Variants in TMEM135 observed in about 807,000 individuals in gnomAD.
The protein encoded by TMEM135 is transmembrane protein 135.
A neutral mutation model predicts 60.3 loss-of-function variants in TMEM135; 30 were observed. The ratio of observed to expected loss-of-function variants is 0.50; its 90% CI spans 0.37 to 0.68. The LOEUF is 0.68. Among genes scored for constraint, TMEM135 ranks in the 30% least tolerant of loss-of-function variants. TMEM135 has a pLI of 0.00. For synonymous variants in TMEM135, 190 were observed against 186.7 expected (o/e 1.02, Z -0.14); for missense variants, 468 against 548.8 (o/e 0.85, Z 1.47).
chr11:87,163,158 G>C (rs1938936262), intron 5 of TMEM135, among the ~76,000 whole-genome samples: 1 of 147,750 alleles, frequency 6.8e-6, no homozygotes, highest in African/African-American at 2.5e-5. Context: ...TCTAGCATTA[G>C]GTATATCTCC....
intron 6 of TMEM135, among the ~76,000 whole-genome samples, chr11:87,260,935 C>T (rs1332158583): frequency 6.6e-6 from 1 of 152,090 alleles, no homozygotes; most frequent in African/African-American, 2.4e-5. Context: ...AACACTCTCC[C>T]AGGCGATGCT....
At chr11:87,275,034 A>G (rs903524451) in intron 6 of TMEM135, among the ~76,000 whole-genome samples, 3 of 151,920 alleles carry the variant, frequency 2.0e-5, no homozygotes, top group African/African-American at 7.3e-5. Context: ...ATTTTGTTGT[A>G]ATATTAAATG....
At chr11:87,183,753 C>G (rs899040444) in intron 5 of TMEM135, among the ~76,000 whole-genome samples, 2 of 151,520 alleles carry the variant, frequency 1.3e-5, no homozygotes, top group African/African-American at 4.9e-5. Context: ...GTCAGGAGTT[C>G]GAGACCAGCC....
In TMEM135 at chr11:87,326,939, C is replaced by T. The variant is rs1052795736; in HGVS notation, c.*5606C>T. ...TTTTTTTTTTTTTTTTTCACTAAAACGCTTCCTATAACTTGGATTAAAATT... is the reference window on the plus strand; with the variant it reads ...TTTTTTTTTTTTTTTTTCACTAAAATGCTTCCTATAACTTGGATTAAAATT... On this transcript the variant is annotated 3_prime_UTR_variant, in exon 15 of 15. Transcript: ENST00000305494. The T allele has an allele frequency of 3.8e-5, 16 of 417,360 alleles. No individual in the cohort carries two copies. The Admixed American group carries it at 3.8e-4, about 10-fold the overall frequency. The allele number at this position is 417,360 out of a possible 1,614,324, so 25.9% of individuals were successfully genotyped here.
In TMEM135 at chr11:87,136,403, C is replaced by G. The variant is rs544070684; in HGVS notation, c.397-20938C>G. On this transcript the variant is annotated intron_variant, in intron 4 of 14. Transcript: ENST00000305494. ...TATATATTGTTGGATTCAGTGTGCT[C>G]AGATTTTCTTAAGAACATTTATAAC... 1.2e-4 allele frequency among the ~76,000 whole-genome samples: 19 copies of G among 152,094 alleles called. No homozygotes were observed. In the South Asian group the frequency reaches 3.9e-3, roughly 32 times the overall value.
chr11:87,314,621 A>G, intron 12 of TMEM135, 74 bp downstream of exon 12: 1 of 1,182,444 alleles, frequency 8.5e-7, no homozygotes, highest in Non-Finnish European at 1.3e-6. Context: ...TTAGCAGCAA[A>G]TGTATATCCC....
chr11:87,082,315 G>A (rs189901092), intron 3 of TMEM135, among the ~76,000 whole-genome samples: 5 of 152,178 alleles, frequency 3.3e-5, no homozygotes, highest in African/African-American at 1.2e-4. Flanking sequence ...AAGTATTCTT[G>A]ACTTACCACG....
At chr11:87,128,994 A>T (rs1032444283) in intron 4 of TMEM135, among the ~76,000 whole-genome samples, 3 of 141,208 alleles carry the variant, frequency 2.1e-5, no homozygotes, top group Non-Finnish European at 4.6e-5. Context: ...GAAATTAAGC[A>T]GGTTTAAGGT....
At chr11:87,119,119 G>C (rs894181641) in intron 4 of TMEM135, among the ~76,000 whole-genome samples, 4 of 152,108 alleles carry the variant, frequency 2.6e-5, no homozygotes, top group Non-Finnish European at 5.9e-5. Context: ...GGCCTATCTT[G>C]GCTTTCAACA....
intron 6 of TMEM135, 63 bp downstream of exon 6, chr11:87,236,747 A>G: frequency 1.4e-6 from 2 of 1,469,486 alleles, no homozygotes; most frequent in Non-Finnish European, 1.9e-6. Flanking sequence ...AATTTCATCA[A>G]CCACGAAACT....
intron 4 of TMEM135, among the ~76,000 whole-genome samples, chr11:87,109,993 C>T (rs1412800385): frequency 6.6e-6 from 1 of 152,136 alleles, no homozygotes; most frequent in Non-Finnish European, 1.5e-5. Context: ...AGAATGACTT[C>T]CTCTGGGTTC....
chr11:87,256,898 C>T (rs940259405), intron 6 of TMEM135, among the ~76,000 whole-genome samples: 2 of 151,866 alleles, frequency 1.3e-5, no homozygotes, highest in Admixed American at 1.3e-4. Context: ...CACTTCTTTC[C>T]TCTCTCCTTC....
chr11:87,197,598 T>C (rs1939990516), intron 5 of TMEM135, among the ~76,000 whole-genome samples: 1 of 114,220 alleles, frequency 8.8e-6, no homozygotes, highest in Non-Finnish European at 2.0e-5. Context: ...AAATTGGTAG[T>C]TTTTTTATTA....
chr11:87,229,816 A>G (rs1236064125), intron 5 of TMEM135, among the ~76,000 whole-genome samples: 1 of 152,182 alleles, frequency 6.6e-6, no homozygotes, highest in East Asian at 1.9e-4. Flanking sequence ...CTCATACAAC[A>G]TTCTATAAAA....
intron 4 of TMEM135, among the ~76,000 whole-genome samples, chr11:87,107,892 T>G (rs1325464729): frequency 1.3e-5 from 2 of 152,176 alleles, no homozygotes; most frequent in East Asian, 3.9e-4. Flanking sequence ...TGTAAAAGTG[T>G]TCCTATTTCT....
At chr11:87,286,974 A>T (rs1272067082) in intron 6 of TMEM135, among the ~76,000 whole-genome samples, 1 of 152,236 alleles carries the variant, frequency 6.6e-6, no homozygotes, top group East Asian at 1.9e-4. Context: ...AGTGACTTAG[A>T]TGGCTGATAT....
chr11:87,053,505 A>G (rs1375996679), intron 1 of TMEM135, among the ~76,000 whole-genome samples: 2 of 152,142 alleles, frequency 1.3e-5, no homozygotes, highest in Admixed American at 6.6e-5. Flanking sequence ...GTAGGTGGTA[A>G]TTAGGGAAGG....
chr11:87,045,398 C>A (rs1228349817), intron 1 of TMEM135, among the ~76,000 whole-genome samples: 1 of 152,132 alleles, frequency 6.6e-6, no homozygotes, highest in Non-Finnish European at 1.5e-5. Context: ...ACTACAGCCT[C>A]TAGCATGTCG....
At chr11:87,247,390 A>C (rs1266066394) in intron 6 of TMEM135, among the ~76,000 whole-genome samples, 2 of 152,192 alleles carry the variant, frequency 1.3e-5, no homozygotes, top group Non-Finnish European at 2.9e-5. Context: ...CAAAACTGTC[A>C]GACAGGGATA....
Sources: allele counts gnomAD v4.1 joint callset (sites outside exome capture counted in the v4.1 genomes callset), GRCh38; gene constraint gnomAD v4.1.1; transcripts MANE v1.5; gene names NCBI Gene and HGNC (gene_info 2026-07-23, HGNC 2026-07-21).